RUNX1T1: variants seen among roughly 807,000 people sequenced by gnomAD.
The protein encoded by RUNX1T1 is protein CBFA2T1.
In RUNX1T1, 4 loss-of-function variants were observed where a neutral mutation model predicts 62.8. That is an observed-to-expected ratio of 0.06 (90% CI 0.03 to 0.15). RUNX1T1 has a LOEUF of 0.15. Among genes scored for constraint, RUNX1T1 ranks in the 10% least tolerant of loss-of-function variants. The pLI, the probability that RUNX1T1 is intolerant of heterozygous loss-of-function variation, is 1.00. For missense variants in RUNX1T1, 508 were observed against 754.3 expected, an observed-to-expected ratio of 0.67 and a Z score of 3.82; for synonymous variants, 291 against 286.0, an observed-to-expected ratio of 1.02 and a Z score of -0.18.
chr8:92,040,461 T>A (rs1049676557), intron 1 of RUNX1T1, among the ~76,000 whole-genome samples: 6 of 152,298 alleles, frequency 3.9e-5, no homozygotes, highest in Admixed American at 2.6e-4. Context: ...ACACAGCTAA[T>A]TCTGAATAAA....
rs1304426971 is a variant in RUNX1T1 at position 91,959,462 on chromosome 8, GTGTGTA to G, written c.*774_*779del. 60 of 109,420 alleles carry G rather than the reference GTGTGTA, an allele frequency of 5.5e-4. 2 individuals carry two copies. The highest frequency in any genetic ancestry group is 2.8e-3 in the South Asian group (5 of 1,756). 6.8% of individuals were successfully genotyped at this position (109,420 alleles called of 1,614,324 possible). A position where few individuals can be genotyped will look rare whatever the true frequency, so the allele number is the denominator to read the frequency against. On this transcript the variant is annotated 3_prime_UTR_variant, in exon 11 of 11. Coordinates refer to ENST00000396218, the Ensembl canonical transcript of RUNX1T1. ...TGTGTGTGTGTGTGTGTGTGTGTGTGTGTGTATATGTGCGTGTGTGTGTGTGTATAT... is the reference window on the plus strand; with the variant it reads ...TGTGTGTGTGTGTGTGTGTGTGTGTGTATGTGCGTGTGTGTGTGTGTATAT...
At chr8:91,998,770 C>CT (rs1239641721) in intron 5 of RUNX1T1, among the ~76,000 whole-genome samples, 2 of 152,200 alleles carry the variant, frequency 1.3e-5, no homozygotes, top group East Asian at 3.8e-4. Context: ...TTATTCGAAT[C>CT]TGTCACCTGT....
chr8:92,094,945 TCC>T, intron 1 of RUNX1T1: 1 of 970,198 alleles, frequency 1.0e-6, no homozygotes, highest in Non-Finnish European at 1.5e-6. Flanking sequence ...AATCTATTGT[TCC>T]CCCTTTATCG....
chr8:91,990,178 A>C (rs975249920), intron 6 of RUNX1T1, among the ~76,000 whole-genome samples: 2 of 152,192 alleles, frequency 1.3e-5, no homozygotes, highest in African/African-American at 2.4e-5. Flanking sequence ...TGGCAAAAAA[A>C]CAAAAAAACA....
intron 1 of RUNX1T1, among the ~76,000 whole-genome samples, chr8:92,022,789 A>G (rs773110569): frequency 2.6e-5 from 4 of 152,194 alleles, no homozygotes; most frequent in African/African-American, 4.8e-5. Context: ...TATGAATAGC[A>G]TTTTTGCTGA....
chr8:91,969,180 C>T (rs1463160323), intron 10 of RUNX1T1, among the ~76,000 whole-genome samples: 1 of 152,052 alleles, frequency 6.6e-6, no homozygotes, highest in African/African-American at 2.4e-5. Context: ...ATTTATAATG[C>T]TAAATATTGG....
intron 1 of RUNX1T1, among the ~76,000 whole-genome samples, chr8:92,096,748 T>C (rs983201111): frequency 1.3e-5 from 2 of 151,996 alleles, no homozygotes; most frequent in African/African-American, 2.4e-5. Context: ...TATAAAATAG[T>C]TTTATGCAGG....
At chr8:92,099,559 C>T in intron 1 of RUNX1T1, 6 of 897,272 alleles carry the variant, frequency 6.7e-6, no homozygotes, top group Non-Finnish European at 6.7e-6. Context: ...TAGCCTTTCT[C>T]ACTGAACTTA....
intron 1 of RUNX1T1, among the ~76,000 whole-genome samples, chr8:92,084,577 C>G (rs931307027): frequency 7.9e-5 from 12 of 152,136 alleles, no homozygotes; most frequent in African/African-American, 2.7e-4. Flanking sequence ...TTAGAAAGTA[C>G]CCCAACTGTT....
intron 6 of RUNX1T1, among the ~76,000 whole-genome samples, chr8:91,990,145 A>C (rs956649648): frequency 2.7e-4 from 41 of 152,308 alleles, no homozygotes; most frequent in African/African-American, 8.4e-4. Context: ...GTAAACTTCT[A>C]TATATTAGGC....
At chr8:92,101,836 TC>T (rs1232464226), upstream of RUNX1T1, among the ~76,000 whole-genome samples, 6 of 151,680 alleles carry the variant, frequency 4.0e-5, 1 homozygote, top group South Asian at 1.0e-3. Context: ...CAGCGCCAGG[TC>T]CCCCCCGGGA....
downstream of RUNX1T1, chr8:91,957,256 C>T (rs753792385): frequency 2.2e-5 from 5 of 223,798 alleles, no homozygotes; most frequent in Non-Finnish European, 4.5e-5. Flanking sequence ...TTTATGAGGT[C>T]TGCATTGTTA....
At chr8:92,001,701 T>C (rs536745333) in intron 5 of RUNX1T1, among the ~76,000 whole-genome samples, 1 of 152,306 alleles carries the variant, frequency 6.6e-6, no homozygotes, top group African/African-American at 2.4e-5. Flanking sequence ...TGGTTTGATT[T>C]CTTAAGCAAG....
exon 11 of RUNX1T1, chr8:91,959,466 G>GTGTGTGTGTA (rs749787366): frequency 4.7e-4 from 42 of 89,296 alleles, no homozygotes; most frequent in African/African-American, 2.5e-3. Context: ...GTGTGTGTGT[G>GTGTGTGTGTA]TATATGTGCG....
At chr8:91,963,669 C>A (rs1485609898) in intron 10 of RUNX1T1, among the ~76,000 whole-genome samples, 1 of 152,166 alleles carries the variant, frequency 6.6e-6, no homozygotes, top group Non-Finnish European at 1.5e-5. Flanking sequence ...CTACTGTTCA[C>A]AAAGGTGGAA....
chr8:91,967,360 T>C (rs1158478911), intron 10 of RUNX1T1, among the ~76,000 whole-genome samples: 1 of 152,074 alleles, frequency 6.6e-6, no homozygotes, highest in Non-Finnish European at 1.5e-5. Flanking sequence ...GTTTGGATGA[T>C]AAATTTTACA....
chr8:91,988,382 G>T (rs879635079), intron 6 of RUNX1T1, among the ~76,000 whole-genome samples: 4 of 152,076 alleles, frequency 2.6e-5, no homozygotes, highest in Non-Finnish European at 5.9e-5. Context: ...GTGCAAATAT[G>T]TTTTATTAAT....
intron 8 of RUNX1T1, among the ~76,000 whole-genome samples, chr8:91,977,686 G>T (rs148093357): frequency 6.6e-6 from 1 of 152,302 alleles, no homozygotes; most frequent in Non-Finnish European, 1.5e-5. Context: ...AATAAGAACA[G>T]ATCTGTAAAG....
chr8:91,964,565 G>A (rs911642747), intron 10 of RUNX1T1, among the ~76,000 whole-genome samples: 2 of 152,232 alleles, frequency 1.3e-5, no homozygotes, highest in South Asian at 4.1e-4. Context: ...TGCAGTTTCA[G>A]AAACTGGGAC....
Sources: allele counts gnomAD v4.1 joint callset (sites outside exome capture counted in the v4.1 genomes callset), GRCh38; gene constraint gnomAD v4.1.1; transcripts MANE v1.5; gene names NCBI Gene and HGNC (gene_info 2026-07-23, HGNC 2026-07-21).